PSMA3: variants seen among roughly 807,000 people sequenced by gnomAD.
PSMA3 encodes proteasome subunit alpha type-3.
PSMA3 carries 8 observed loss-of-function variants against 40.0 expected under a neutral mutation model. That is an observed-to-expected ratio of 0.20 (90% CI 0.12 to 0.36). The LOEUF (loss-of-function observed/expected upper bound fraction) is 0.36, where lower values mean the gene tolerates loss of function less well. Ranked by LOEUF, PSMA3 falls within the 10% of genes least tolerant of loss-of-function variation. PSMA3 has a pLI of 1.00. For synonymous variants in PSMA3, 110 were observed against 100.0 expected, an observed-to-expected ratio of 1.10 and a Z score of -0.59; for missense variants, 219 against 310.6, an observed-to-expected ratio of 0.70 and a Z score of 2.22.
At position 58,256,935 on chromosome 14, in the gene PSMA3, A is replaced by C. The variant is rs117037846; in HGVS notation, c.229-810A>C. Among the ~76,000 whole-genome samples, 106 of 150,620 alleles carry C rather than the reference A, an allele frequency of 7.0e-4. 2 individuals are homozygous for C. In the East Asian group the frequency reaches 0.02, roughly 29 times the overall value. On this transcript the variant is annotated intron_variant, in intron 3 of 10. Transcript: ENST00000216455. ...GGAGTTCAAGACCAGCCTGGCCAAC[A>C]TGACAAAACCAAACCCTGTCTCTAC...
At chr14:58,252,266 CT>C (rs1890029511) in intron 3 of PSMA3, 24 bp downstream of exon 3, 3 of 1,595,188 alleles carry the variant, frequency 1.9e-6, no homozygotes, top group Non-Finnish European at 2.6e-6. Flanking sequence ...TAAAATGTTC[CT>C]TTTTGTCTTG....
intron 1 of PSMA3, among the ~76,000 whole-genome samples, chr14:58,246,734 A>G (rs1296271369): frequency 6.6e-6 from 1 of 151,624 alleles, no homozygotes; most frequent in Non-Finnish European, 1.5e-5. Flanking sequence ...ATTTTACTCT[A>G]CTCTCAAAAA....
chr14:58,257,355 G>A (rs896094414), intron 3 of PSMA3, among the ~76,000 whole-genome samples: 1 of 151,424 alleles, frequency 6.6e-6, no homozygotes, highest in Admixed American at 6.6e-5. Context: ...AAAATTAGCC[G>A]GGCGTGGTGG....
chr14:58,263,565 ATG>A (rs1490629470), intron 6 of PSMA3, 138 bp from the exon 7 acceptor site: 4 of 592,328 alleles, frequency 6.8e-6, no homozygotes, highest in Admixed American at 3.5e-5. Context: ...ATTCATCAGA[ATG>A]TGTTTGACTA....
intron 2 of PSMA3, among the ~76,000 whole-genome samples, chr14:58,249,968 T>C (rs1889969915): frequency 6.6e-6 from 1 of 152,022 alleles, no homozygotes; most frequent in South Asian, 2.1e-4. Flanking sequence ...CCTGTAATCC[T>C]AGCACTTTGG....
intron 3 of PSMA3, among the ~76,000 whole-genome samples, chr14:58,257,213 A>G (rs923224954): frequency 6.8e-6 from 1 of 147,284 alleles, no homozygotes; most frequent in Non-Finnish European, 1.5e-5. Context: ...AGTCCTGAAT[A>G]TTGGCCGGGC....
At chr14:58,255,673 G>A (rs1040746038) in intron 3 of PSMA3, among the ~76,000 whole-genome samples, 2 of 152,160 alleles carry the variant, frequency 1.3e-5, no homozygotes, top group Admixed American at 6.5e-5. Flanking sequence ...GGAGGCTGAG[G>A]CAGGAGAATC....
At chr14:58,264,121 C>G (rs1216822870) in intron 7 of PSMA3, among the ~76,000 whole-genome samples, 1 of 152,146 alleles carries the variant, frequency 6.6e-6, no homozygotes, top group Non-Finnish European at 1.5e-5. Context: ...TTTATAGATT[C>G]TGAATAACTG....
At chr14:58,252,290 T>C (rs1196317864) in intron 3 of PSMA3, 48 bp downstream of exon 3, 2 of 1,579,766 alleles carry the variant, frequency 1.3e-6, no homozygotes, top group Non-Finnish European at 1.7e-6. Context: ...CAATTTCTTT[T>C]GAAGTAACTG....
rs577987662 is a variant in PSMA3, at chr14:58,259,641, G to A, written c.405-1307G>A. Among the ~76,000 whole-genome samples the A allele has an allele frequency of 4.0e-4, 61 of 152,210 alleles. 1 individual carries two copies. The South Asian group carries it at 0.012, about 31-fold the overall frequency. On this transcript the variant is annotated intron_variant, in intron 5 of 10. Coordinates refer to ENST00000216455, the MANE Select transcript of PSMA3 (RefSeq NM_002788.4). ...GAACTTTTTTAGTAAACATCTATTG[G>A]GCACTGAGTTAGTCATAAATGTGGA...
chr14:58,265,346 AATAAATCCCAG>A (rs747333587), intron 7 of PSMA3: 1 of 152,204 alleles, frequency 6.6e-6, no homozygotes, highest in Non-Finnish European at 1.5e-5. Context: ...TGGGAAAAAC[AATAAATCCCAG>A]AGAAAAATCA....
Position 58,271,769 on chromosome 14 carries a change from G to GTTGT in PSMA3, c.724-80_724-77dup, listed in dbSNP as rs551850913. On this transcript the variant is annotated intron_variant, in intron 10 of 10. Transcript: ENST00000216455. ...AGAGGAATTTAACCACTTAATTCAG[G>GTTGT]TTGTTGTAGCTTAACTTGCCCACAG... 2.5e-4 allele frequency: 242 copies of GTTGT among 954,172 alleles called. 1 individual carries two copies. In the South Asian group the frequency reaches 3.2e-3, roughly 13 times the overall value. The allele number at this position is 954,172 out of a possible 1,614,324, so 59.1% of individuals were successfully genotyped here.
chr14:58,252,103 CT>C lies in PSMA3; in HGVS notation c.105-14del. 4 of 1,563,858 alleles carry C rather than the reference CT, an allele frequency of 2.6e-6. No homozygotes were observed. Among genetic ancestry groups the C allele is most frequent in the Non-Finnish European group, 3.4e-6 (4 of 1,164,326 alleles). ...TATTTTCAGTTAAAAAACTGATTTTCTTCTCCTTGTTTCAGTACAGCTATTG... is the reference window on the plus strand; with the variant it reads ...TATTTTCAGTTAAAAAACTGATTTTCTCTCCTTGTTTCAGTACAGCTATTG... On this transcript the variant is annotated splice_polypyrimidine_tract_variant and intron_variant, in intron 2 of 10. Transcript: ENST00000216455.
At chr14:58,252,780 C>T (rs562126765) in intron 3 of PSMA3, among the ~76,000 whole-genome samples, 9 of 145,086 alleles carry the variant, frequency 6.2e-5, no homozygotes, top group Non-Finnish European at 1.3e-4. Flanking sequence ...AGTTACCCTA[C>T]ATAGATGGCA....
At chr14:58,258,978 C>T (rs1890209401) in intron 5 of PSMA3, among the ~76,000 whole-genome samples, 2 of 152,180 alleles carry the variant, frequency 1.3e-5, no homozygotes, top group Non-Finnish European at 2.9e-5. Context: ...GTCACCTGAG[C>T]TGGAGTGCAG....
At chr14:58,248,482 G>A (rs1039608857) in intron 2 of PSMA3, among the ~76,000 whole-genome samples, 2 of 151,466 alleles carry the variant, frequency 1.3e-5, no homozygotes, top group African/African-American at 4.8e-5. Context: ...CGCTCACCTC[G>A]GACTCCCAGA....
chr14:58,271,273 G>A (rs1268765347), intron 10 of PSMA3, among the ~76,000 whole-genome samples: 1 of 150,678 alleles, frequency 6.6e-6, no homozygotes, highest in East Asian at 1.9e-4. Flanking sequence ...AAAAACTTGG[G>A]AGGTTTAGAC....
chr14:58,263,449 A>ATATGATTACATATAC, intron 6 of PSMA3: 1 of 277,034 alleles, frequency 3.6e-6, no homozygotes, highest in Non-Finnish European at 6.7e-6. Flanking sequence ...AAAATGTCTT[A>ATATGATTACATATAC]AAGTGTATAT....
chr14:58,252,308 T>C (rs1212707577), intron 3 of PSMA3, 66 bp downstream of exon 3: 2 of 1,544,256 alleles, frequency 1.3e-6, no homozygotes, highest in Non-Finnish European at 8.7e-7. Context: ...CTGATTGGAA[T>C]AGATCACTGT....
Sources: allele counts gnomAD v4.1 joint callset (sites outside exome capture counted in the v4.1 genomes callset), GRCh38; gene constraint gnomAD v4.1.1; transcripts MANE v1.5; gene names NCBI Gene and HGNC (gene_info 2026-07-23, HGNC 2026-07-21).